Variants in CDC14B observed in about 807,000 individuals in gnomAD.
The protein encoded by CDC14B is cell division cycle 14B, also known as dual specificity protein phosphatase CDC14B.
In CDC14B, 22 loss-of-function variants were observed where a neutral mutation model predicts 64.2. The observed-to-expected ratio is 0.34, with a 90% CI of 0.24 to 0.49. CDC14B has a LOEUF of 0.49. Among genes scored for constraint, CDC14B ranks in the 20% least tolerant of loss-of-function variants. The pLI is 0.99. For missense variants in CDC14B, 498 were observed against 629.9 expected, an observed-to-expected ratio of 0.79 and a Z score of 2.24; for synonymous variants, 191 against 215.8, an observed-to-expected ratio of 0.89 and a Z score of 1.01.
intron 1 of CDC14B, among the ~76,000 whole-genome samples, chr9:96,576,312 A>G (rs1844800466): frequency 6.6e-6 from 1 of 151,580 alleles, no homozygotes; most frequent in African/African-American, 2.4e-5. Flanking sequence ...AAAAGCAATT[A>G]AAAGACAAAG....
chr9:96,594,443 C>T (rs1052764638), intron 1 of CDC14B, among the ~76,000 whole-genome samples: 2 of 151,996 alleles, frequency 1.3e-5, no homozygotes, highest in African/African-American at 4.8e-5. Context: ...AGGGTGGCCG[C>T]AGTTGGTGCA....
chr9:96,602,071 A>T (rs1355464662), intron 1 of CDC14B, among the ~76,000 whole-genome samples: 1 of 152,168 alleles, frequency 6.6e-6, no homozygotes, highest in East Asian at 1.9e-4. Context: ...AAACAAAAAC[A>T]AAAACAAAAA....
At chr9:96,506,678 A>G (rs773059242) in intron 13 of CDC14B, among the ~76,000 whole-genome samples, 4 of 152,222 alleles carry the variant, frequency 2.6e-5, no homozygotes, top group Non-Finnish European at 4.4e-5. Flanking sequence ...TCATTTCAAC[A>G]TTCAGTCCAG....
chr9:96,585,755 C>T (rs1435809554), intron 1 of CDC14B, among the ~76,000 whole-genome samples: 3 of 152,142 alleles, frequency 2.0e-5, no homozygotes, highest in Non-Finnish European at 1.5e-5. Context: ...CATTCTACTC[C>T]TAAGTATATA....
chr9:96,599,014 A>G (rs190706584), intron 1 of CDC14B, among the ~76,000 whole-genome samples: 1 of 152,356 alleles, frequency 6.6e-6, no homozygotes, highest in Non-Finnish European at 1.5e-5. Context: ...TCACATTTGA[A>G]CATCTCTGAA....
intron 9 of CDC14B, among the ~76,000 whole-genome samples, chr9:96,531,313 ATTAG>A (rs1347915867): frequency 6.6e-6 from 1 of 152,044 alleles, no homozygotes; most frequent in Non-Finnish European, 1.5e-5. Context: ...TAATCTCCTT[ATTAG>A]TTAGGGGTCT....
chr9:96,515,915 A>G lies in CDC14B; in HGVS notation c.1344-6126T>C. On this transcript the variant is annotated intron_variant, in intron 12 of 13. Coordinates refer to ENST00000375241, the MANE Select transcript of CDC14B (RefSeq NM_033331.4). This position sits in a 1 kb window ranked among gnomAD's most constrained non-coding sequence, Gnocchi z 4.3. ...CACCCTAAAAGCCCAGCCAACAGCAACAGGGATACAAAGGGGTGGTCAACA... is the reference window on the plus strand; with the variant it reads ...CACCCTAAAAGCCCAGCCAACAGCAGCAGGGATACAAAGGGGTGGTCAACA... 1.3e-6 allele frequency: 1 copy of G among 785,920 alleles called. No homozygotes were observed. The highest frequency in any genetic ancestry group is 1.8e-5 in the African/African-American group (1 of 56,978). 48.7% of individuals were successfully genotyped at this position (785,920 alleles called of 1,614,324 possible).
downstream of CDC14B, among the ~76,000 whole-genome samples, chr9:96,499,718 A>G (rs1266639737): frequency 2.6e-5 from 4 of 152,220 alleles, no homozygotes; most frequent in African/African-American, 9.6e-5. Flanking sequence ...CTATGTGGAC[A>G]TGGGGACTTT....
downstream of CDC14B, among the ~76,000 whole-genome samples, chr9:96,498,871 G>C (rs1335968290): frequency 6.6e-6 from 1 of 152,284 alleles, no homozygotes; most frequent in Non-Finnish European, 1.5e-5. Context: ...CCTGGGCCGA[G>C]TGGCTCTAGA....
intron 1 of CDC14B, among the ~76,000 whole-genome samples, chr9:96,588,662 T>C (rs1289813111): frequency 6.6e-6 from 1 of 152,104 alleles, no homozygotes. Flanking sequence ...AAGTTTTGTA[T>C]TTTTGGCTAA....
chr9:96,527,004 A>G (rs1837659721), intron 9 of CDC14B, among the ~76,000 whole-genome samples: 1 of 152,228 alleles, frequency 6.6e-6, no homozygotes, highest in Non-Finnish European at 1.5e-5. Context: ...ATTGGAGTAA[A>G]ATATACATAA....
intron 1 of CDC14B, among the ~76,000 whole-genome samples, chr9:96,574,913 C>T (rs1158882808): frequency 6.6e-6 from 1 of 152,096 alleles, no homozygotes; most frequent in African/African-American, 2.4e-5. Flanking sequence ...ATAAGAAATG[C>T]ACAAGATGAA....
intron 1 of CDC14B, among the ~76,000 whole-genome samples, chr9:96,571,321 G>A (rs1483986985): frequency 6.6e-5 from 10 of 152,022 alleles, no homozygotes; most frequent in African/African-American, 2.4e-4. Context: ...GACTACAGGC[G>A]TGTGCCACCA....
intron 12 of CDC14B, among the ~76,000 whole-genome samples, chr9:96,519,714 G>C (rs1326366263): frequency 7.9e-6 from 1 of 125,938 alleles, no homozygotes; most frequent in Non-Finnish European, 1.6e-5. Flanking sequence ...CCGGCCAACA[G>C]AGCAAGACTC....
chr9:96,619,430 C>T lies in CDC14B; in HGVS notation c.-52G>A. On this transcript the variant is annotated 5_prime_UTR_variant, in exon 1 of 14. Coordinates refer to ENST00000375241, the MANE Select transcript of CDC14B (RefSeq NM_033331.4). The stretch of plus-strand genomic sequence containing the variant: ...CCACGACCATGGCCCCGCGCGCCCG[C>T]GCGCCCGCCGAGGCTCCCGCCAGCC... 1.2e-5 allele frequency: 13 copies of T among 1,072,328 alleles called. No homozygotes were observed. The highest frequency in any genetic ancestry group is 1.5e-5 in the Non-Finnish European group (13 of 885,244). The allele number at this position is 1,072,328 out of a possible 1,614,324, so 66.4% of individuals were successfully genotyped here. A position where few individuals can be genotyped will look rare whatever the true frequency, so the allele number is the denominator to read the frequency against.
At chr9:96,522,480 A>G in intron 12 of CDC14B, 26 bp downstream of exon 12, 1 of 1,483,758 alleles carries the variant, frequency 6.7e-7, no homozygotes, top group Non-Finnish European at 9.4e-7. Context: ...AGAAACATCA[A>G]CCACAACAAA....
chr9:96,559,222 T>C (rs936685498), intron 4 of CDC14B, among the ~76,000 whole-genome samples: 8 of 152,248 alleles, frequency 5.3e-5, no homozygotes, highest in Admixed American at 6.5e-5. Flanking sequence ...ACATTAGGTC[T>C]TTCTGTGTAT....
At chr9:96,527,312 T>C (rs543129794) in intron 9 of CDC14B, among the ~76,000 whole-genome samples, 55 of 152,260 alleles carry the variant, frequency 3.6e-4, no homozygotes, top group African/African-American at 1.3e-3. Context: ...GGCAGGAGAA[T>C]GGCGTGAACC....
intron 1 of CDC14B, among the ~76,000 whole-genome samples, chr9:96,607,748 T>C (rs13290281): frequency 6.6e-6 from 1 of 152,168 alleles, no homozygotes; most frequent in South Asian, 2.1e-4. Flanking sequence ...TTCTTGTTAG[T>C]GGCAGAATAC....
Sources: gnomAD v4.1 joint callset for allele counts (sites outside exome capture counted in the v4.1 genomes callset) on GRCh38, gnomAD v4.1.1 for gene constraint, Gnocchi (gnomAD v3.1) non-coding constraint, MANE v1.5 for transcripts, NCBI Gene and HGNC (gene_info 2026-07-23, HGNC 2026-07-21) for gene names.